SPHKAP: variants seen among roughly 807,000 people sequenced by gnomAD.
SPHKAP encodes the protein SPHK1 interactor, AKAP domain containing.
SPHKAP carries 67 observed loss-of-function variants against 137.5 expected under a neutral mutation model. The ratio of observed to expected loss-of-function variants is 0.49; its 90% CI spans 0.40 to 0.60. The LOEUF (loss-of-function observed/expected upper bound fraction) is 0.60. Ranked by LOEUF, SPHKAP falls within the 20% of genes least tolerant of loss-of-function variation. SPHKAP has a pLI of 0.00. For missense variants in SPHKAP, 2,097 were observed against 2,069.3 expected (o/e 1.01, Z -0.26); for synonymous variants, 813 against 785.3 (o/e 1.04, Z -0.59).
In SPHKAP at chr2:228,017,246, T is replaced by C. The variant is rs565345952; in HGVS notation, c.3608A>G (p.Glu1203Gly). Residue 1203 changes from glutamate to glycine, a missense_variant, in exon 7 of 12, where the codon GAA becomes GGA. Glu to Gly is a moderately conservative substitution (Grantham distance 98, BLOSUM62 -2). Coordinates refer to ENST00000392056, the MANE Select transcript of SPHKAP (RefSeq NM_001142644.2). ...GGAGGCACTTTCTCTGCTGTCTCTT[T>C]CGATGTCCCTCAGCATGTACCTGTA... is the stretch of plus-strand genomic sequence containing the variant. ...EFYRYMLRDI[E>G]RDSRESASSR... is the part of the protein sequence containing the mutation. 2.5e-6 allele frequency: 4 copies of C among 1,614,044 alleles called. No individual in the cohort carries two copies. In the South Asian group the frequency reaches 4.4e-5, roughly 18 times the overall value.
chr2:228,056,670 G>A (rs1251174760), intron 3 of SPHKAP, among the ~76,000 whole-genome samples: 1 of 152,120 alleles, frequency 6.6e-6, no homozygotes, highest in Non-Finnish European at 1.5e-5. Context: ...CTTCCACAGG[G>A]AGTAAATGCA....
At chr2:227,993,717 TC>T in intron 8 of SPHKAP, 97 bp from the exon 9 acceptor site, 1 of 1,106,704 alleles carries the variant, frequency 9.0e-7, no homozygotes, top group Non-Finnish European at 1.3e-6. Context: ...CTTCCTTTGG[TC>T]CCCAGAAAAA....
At chr2:228,047,826 A>T (rs148760392) in intron 3 of SPHKAP, among the ~76,000 whole-genome samples, 2 of 152,316 alleles carry the variant, frequency 1.3e-5, no homozygotes, top group African/African-American at 4.8e-5. Context: ...GCTACAACAG[A>T]GGTACAAACT....
At position 228,181,640 on chromosome 2, in the gene SPHKAP, G is replaced by T. The variant is rs774407419; in HGVS notation, c.-42C>A. On this transcript the variant is annotated 5_prime_UTR_variant, in exon 1 of 12. Coordinates refer to ENST00000392056, the MANE Select transcript of SPHKAP (RefSeq NM_001142644.2). This position sits in a 1 kb window ranked among gnomAD's most constrained non-coding sequence, Gnocchi z 4.3. ...GAGAAGAAAGACGGAAAGTGCAGGC[G>T]AAGGATAAGTCTGTGGTGCTAGGAC... 3.1e-6 allele frequency: 5 copies of T among 1,614,014 alleles called. No homozygotes were observed. The Admixed American group carries it at 6.7e-5, about 22-fold the overall frequency.
intron 7 of SPHKAP, among the ~76,000 whole-genome samples, chr2:228,010,901 ATGTT>A: frequency 6.6e-6 from 1 of 152,154 alleles, no homozygotes; most frequent in Admixed American, 6.5e-5. Flanking sequence ...CTGCCTCTTC[ATGTT>A]TGTGCTGAGT....
chr2:228,023,555 G>A (rs1040756215), intron 5 of SPHKAP, among the ~76,000 whole-genome samples: 10 of 152,294 alleles, frequency 6.6e-5, no homozygotes, highest in African/African-American at 2.2e-4. Context: ...GCAGAAGTTG[G>A]CTTAATTTTC....
intron 5 of SPHKAP, among the ~76,000 whole-genome samples, chr2:228,024,242 C>T (rs996982711): frequency 6.6e-6 from 1 of 151,920 alleles, no homozygotes; most frequent in African/African-American, 2.4e-5. Flanking sequence ...CAATTAATGT[C>T]AATACCAATT....
chr2:228,092,872 A>G (rs1697850547), intron 3 of SPHKAP, among the ~76,000 whole-genome samples: 2 of 152,068 alleles, frequency 1.3e-5, no homozygotes, highest in Admixed American at 1.3e-4. Context: ...ATGCAAAGGC[A>G]TGAGAACAAT....
intron 3 of SPHKAP, among the ~76,000 whole-genome samples, chr2:228,053,574 A>G (rs1014367840): frequency 4.6e-5 from 7 of 152,044 alleles, no homozygotes; most frequent in African/African-American, 1.7e-4. Context: ...CAGGCCTATA[A>G]TTTCCCCTAC....
chr2:228,151,450 T>C (rs1431667015), intron 1 of SPHKAP, among the ~76,000 whole-genome samples: 1 of 152,152 alleles, frequency 6.6e-6, no homozygotes, highest in Non-Finnish European at 1.5e-5. Context: ...TATATACCAG[T>C]AATGGGATGG....
At chr2:228,061,431 G>A (rs1696628680) in intron 3 of SPHKAP, among the ~76,000 whole-genome samples, 1 of 151,738 alleles carries the variant, frequency 6.6e-6, no homozygotes, top group African/African-American at 2.4e-5. Flanking sequence ...ACCATGCCCA[G>A]CTAATTTTGT....
Position 228,019,112 on chromosome 2 carries a change from C to T in SPHKAP, c.1742G>A (p.Cys581Tyr). Residue 581 changes from cysteine (C) to tyrosine (Y), a missense_variant, in exon 7 of 12, where the codon TGC becomes TAC. Cys to Tyr is a radical substitution (Grantham distance 194, BLOSUM62 -2). Coordinates refer to ENST00000392056, the MANE Select transcript of SPHKAP (RefSeq NM_001142644.2). ...GAGGCTACCACTTGGAGCCACTGAG[C>T]ATGTCACCTCTTCTCTTTCACCCAG... is the stretch of plus-strand genomic sequence containing the variant. Reference protein sequence around the residue: ...CGLGEREEVTCSVAPSGSLPP... With the variant: ...CGLGEREEVTYSVAPSGSLPP... 2 of 1,613,982 alleles carry T rather than the reference C, an allele frequency of 1.2e-6. No homozygotes were observed. Among genetic ancestry groups the T allele is most frequent in the Non-Finnish European group, 1.7e-6 (2 of 1,179,998 alleles).
At chr2:228,004,976 A>G (rs575761380) in intron 7 of SPHKAP, among the ~76,000 whole-genome samples, 9 of 152,304 alleles carry the variant, frequency 5.9e-5, no homozygotes, top group East Asian at 5.8e-4. Context: ...TTTACTTCCA[A>G]CTATGTGAAT....
intron 3 of SPHKAP, among the ~76,000 whole-genome samples, chr2:228,068,493 A>G (rs1230426208): frequency 6.6e-6 from 1 of 152,224 alleles, no homozygotes; most frequent in Non-Finnish European, 1.5e-5. Flanking sequence ...CTACAAAGCT[A>G]TAGTAATCAA....
At chr2:228,141,822 G>A (rs1214094947) in intron 1 of SPHKAP, among the ~76,000 whole-genome samples, 1 of 152,134 alleles carries the variant, frequency 6.6e-6, no homozygotes, top group Non-Finnish European at 1.5e-5. Flanking sequence ...TGAATTGAAA[G>A]TGTTTCCAGA....
chr2:228,049,673 T>A (rs982816676), intron 3 of SPHKAP, among the ~76,000 whole-genome samples: 1 of 152,290 alleles, frequency 6.6e-6, no homozygotes, highest in Non-Finnish European at 1.5e-5. Flanking sequence ...GCTCTAGCAG[T>A]CCCCAGATCT....
chr2:228,080,629 C>A (rs550139171), intron 3 of SPHKAP, among the ~76,000 whole-genome samples: 1 of 152,172 alleles, frequency 6.6e-6, no homozygotes, highest in Non-Finnish European at 1.5e-5. Context: ...ATCACTTAAA[C>A]CCAGGAGGCA....
Position 228,019,715 on chromosome 2 carries a change from G to A in SPHKAP, c.1139C>T (p.Pro380Leu). The change falls in exon 7 of 12, where the codon CCT becomes CTT. Residue 380 changes from proline to leucine, a missense_variant. By Grantham distance (98) the Pro-to-Leu change is moderately conservative. Coordinates refer to ENST00000392056, the MANE Select transcript of SPHKAP (RefSeq NM_001142644.2). The part of the protein sequence containing the change: ...DHEDTRNALP[P>L]RQDGEVTTGK... ...AGTGGTGACTTCTCCATCTTGTCTA[G>A]GAGGGAGAGCGTTTCTTGTGTCTTC... 6 of 1,614,172 alleles carry A rather than the reference G, an allele frequency of 3.7e-6. No homozygotes were observed. Among genetic ancestry groups the A allele is most frequent in the African/African-American group, 1.3e-5 (1 of 75,060 alleles).
chr2:228,044,448 G>T (rs2106263019), intron 3 of SPHKAP, among the ~76,000 whole-genome samples: 1 of 152,196 alleles, frequency 6.6e-6, no homozygotes, highest in African/African-American at 2.4e-5. Flanking sequence ...TATTTGGCCT[G>T]CTCCAGGTCT....
Sources: allele counts gnomAD v4.1 joint callset (sites outside exome capture counted in the v4.1 genomes callset), GRCh38; gene constraint gnomAD v4.1.1; non-coding constraint Gnocchi (gnomAD v3.1); transcripts MANE v1.5; gene names NCBI Gene and HGNC (gene_info 2026-07-23, HGNC 2026-07-21).